Variants in MAPK6 observed in about 807,000 individuals in gnomAD.
MAPK6 encodes the protein ERK-3.
A neutral mutation model predicts 59.3 loss-of-function variants in MAPK6; 19 were observed. The observed-to-expected ratio is 0.32, with a 90% CI of 0.22 to 0.47. The LOEUF (loss-of-function observed/expected upper bound fraction) is 0.47, where lower values mean the gene tolerates loss of function less well. Among genes scored for constraint, MAPK6 ranks in the 20% least tolerant of loss-of-function variants. The pLI is 1.00. For synonymous variants in MAPK6, 316 were observed against 290.3 expected (o/e 1.09, Z -0.90); for missense variants, 724 against 847.9 (o/e 0.85, Z 1.81).
intron 1 of MAPK6, among the ~76,000 whole-genome samples, chr15:51,980,339 T>C (rs939393416): frequency 4.6e-5 from 7 of 151,164 alleles, no homozygotes; most frequent in African/African-American, 1.7e-4. Context: ...ATGTCAGTAG[T>C]GTTTAGTTAA....
chr15:52,027,945 GTA>G (rs2030872175), intron 1 of MAPK6: 4 of 59,546 alleles, frequency 6.7e-5, no homozygotes, highest in Non-Finnish European at 1.3e-4. Flanking sequence ...GCTAATTTTT[GTA>G]TTTTTTTTTT....
intron 3 of MAPK6, among the ~76,000 whole-genome samples, chr15:52,053,884 G>T (rs904512603): frequency 6.6e-6 from 1 of 151,608 alleles, no homozygotes; most frequent in Non-Finnish European, 1.5e-5. Context: ...TGATCCACTC[G>T]CCTCAGCCTC....
chr15:52,019,442 GC>G (rs1566900948), intron 1 of MAPK6, 66 bp downstream of exon 1: 1 of 141,368 alleles, frequency 7.1e-6, no homozygotes, highest in Non-Finnish European at 1.5e-5. Flanking sequence ...GCCGCGGCGG[GC>G]CCGGCGGCGG....
intron 3 of MAPK6, among the ~76,000 whole-genome samples, chr15:52,011,846 C>T (rs114483224): frequency 5.6e-4 from 86 of 152,248 alleles, no homozygotes; most frequent in African/African-American, 2.0e-3. Context: ...TTCTATAAAC[C>T]GTGTCTAGGA....
chr15:51,982,692 A>G (rs960366915), intron 1 of MAPK6, among the ~76,000 whole-genome samples: 2 of 152,186 alleles, frequency 1.3e-5, no homozygotes, highest in Non-Finnish European at 2.9e-5. Flanking sequence ...AAAAAAAATA[A>G]AAAAGGTATT....
At chr15:51,993,754 A>G (rs886073830) in intron 2 of MAPK6, among the ~76,000 whole-genome samples, 2 of 151,678 alleles carry the variant, frequency 1.3e-5, no homozygotes, top group African/African-American at 2.4e-5. Context: ...ATGCGTACAC[A>G]TAATGCCCAG....
At chr15:52,024,262 A>G (rs1156305969) in intron 1 of MAPK6, among the ~76,000 whole-genome samples, 1 of 152,216 alleles carries the variant, frequency 6.6e-6, no homozygotes, top group East Asian at 1.9e-4. Flanking sequence ...GAAGAGATCT[A>G]AGATCTTGGT....
chr15:52,036,171 AAAG>A (rs1348102560), intron 1 of MAPK6, among the ~76,000 whole-genome samples: 1 of 152,160 alleles, frequency 6.6e-6, no homozygotes, highest in Non-Finnish European at 1.5e-5. Context: ...GTCTCTTAAA[AAAG>A]AAGAAATCCT....
At chr15:51,980,613 C>T (rs970875067) in intron 1 of MAPK6, among the ~76,000 whole-genome samples, 1 of 150,428 alleles carries the variant, frequency 6.6e-6, no homozygotes, top group African/African-American at 2.4e-5. Flanking sequence ...TTTTTTTAGA[C>T]AGAGTCTTGC....
upstream of MAPK6, among the ~76,000 whole-genome samples, chr15:52,014,571 G>A (rs1311223603): frequency 1.3e-5 from 2 of 151,920 alleles, no homozygotes; most frequent in African/African-American, 4.8e-5. Flanking sequence ...GCCAGGTGTG[G>A]TGGTGCATGC....
At position 52,031,388 on chromosome 15, in the gene MAPK6, ATG is replaced by A. The variant is rs571181940; in HGVS notation, c.-632+12017_-632+12018del. Among the ~76,000 whole-genome samples, 600 of 152,318 alleles carry A rather than the reference ATG, an allele frequency of 3.9e-3. 2 individuals carry two copies. Among genetic ancestry groups the A allele is most frequent in the Non-Finnish European group, 4.9e-3 (332 of 68,028 alleles). ...GGTTCAAATCCTGGCTCTCTCATTC[ATG>A]TGTGATCTTGAATGTGTTTTTTAAG... On this transcript the variant is annotated intron_variant, in intron 1 of 5. Transcript: ENST00000261845.
intron 1 of MAPK6, among the ~76,000 whole-genome samples, chr15:51,974,966 C>T (rs1323899727): frequency 2.6e-5 from 4 of 151,354 alleles, no homozygotes; most frequent in Admixed American, 6.6e-5. Flanking sequence ...GATCCATCCA[C>T]CTCAACCTCC....
rs1433835276 is a variant in MAPK6 at position 52,046,611 on chromosome 15, A to G, written c.151A>G (p.Ile51Val). Reference sequence around the variant, plus strand: ...TGACAAAAGAGTAGCCATCAAGAAAATTGTCCTTACTGATCCCCAGAGTGT... The same window carrying G: ...TGACAAAAGAGTAGCCATCAAGAAAGTTGTCCTTACTGATCCCCAGAGTGT... The part of the protein sequence containing the change: ...DCDKRVAIKK[I>V]VLTDPQSVKH... Residue 51 changes from isoleucine to valine, a missense_variant, in exon 2 of 6, where the codon ATT becomes GTT. By Grantham distance (29) the Ile-to-Val change is conservative. Around this residue, in one of 4 missense-constraint regions of MAPK6, gnomAD observed 87 missense variants for 93.0 expected, o/e 0.93. Coordinates refer to ENST00000261845, the MANE Select transcript of MAPK6 (RefSeq NM_002748.4). The G allele has an allele frequency of 1.2e-6, 2 of 1,614,082 alleles. No individual in the cohort carries two copies. The highest frequency in any genetic ancestry group is 1.3e-5 in the African/African-American group (1 of 74,924).
chr15:52,015,731 C>T (rs565171401), upstream of MAPK6, among the ~76,000 whole-genome samples: 114 of 149,114 alleles, frequency 7.6e-4, no homozygotes, highest in African/African-American at 2.6e-3. Context: ...GGATTACAGG[C>T]GTGAGTCCGC....
chr15:51,972,146 T>TA (rs1191435590), intron 1 of MAPK6, among the ~76,000 whole-genome samples: 1 of 152,026 alleles, frequency 6.6e-6, no homozygotes, highest in East Asian at 1.9e-4. Context: ...TTTACCCTCT[T>TA]AAAAATTGTT....
At chr15:52,049,826 T>C (rs2031720227) in intron 2 of MAPK6, among the ~76,000 whole-genome samples, 167 bp from the exon 3 acceptor site, 1 of 152,068 alleles carries the variant, frequency 6.6e-6, no homozygotes, top group South Asian at 2.1e-4. Flanking sequence ...TTGGTCAGAC[T>C]GGTCTCGAAC....
intron 3 of MAPK6, among the ~76,000 whole-genome samples, chr15:52,013,334 C>A (rs943927514): frequency 1.3e-5 from 2 of 151,908 alleles, no homozygotes; most frequent in African/African-American, 4.8e-5. Flanking sequence ...AACATACTGT[C>A]TTTAATGATT....
intron 2 of MAPK6, among the ~76,000 whole-genome samples, chr15:51,998,687 A>ATTTTTTTCTTTTTTTTT (rs2057233193): frequency 2.6e-5 from 1 of 38,472 alleles, no homozygotes; most frequent in Non-Finnish European, 4.6e-5. Context: ...TGCCTGGTTA[A>ATTTTTTTCTTTTTTTTT]TTTTTTTTTT....
intron 3 of MAPK6, among the ~76,000 whole-genome samples, chr15:52,012,716 C>G (rs181463302): frequency 7.5e-4 from 114 of 152,058 alleles, no homozygotes; most frequent in African/African-American, 2.6e-3. Flanking sequence ...CAGCCAGGCA[C>G]GATGGCTTAC....
Sources: allele counts gnomAD v4.1 joint callset (sites outside exome capture counted in the v4.1 genomes callset), GRCh38; gene constraint gnomAD v4.1.1; regional missense constraint gnomAD v4.1.1; transcripts MANE v1.5; gene names NCBI Gene and HGNC (gene_info 2026-07-23, HGNC 2026-07-21).